CGGBP1: variants seen among roughly 807,000 people sequenced by gnomAD.
CGGBP1 encodes CGG triplet repeat-binding protein 1.
A neutral mutation model predicts 11.4 loss-of-function variants in CGGBP1; 4 were observed. The ratio of observed to expected loss-of-function variants is 0.35; its 90% CI spans 0.17 to 0.80. CGGBP1 has a LOEUF of 0.80. CGGBP1 is among the 30% of genes least tolerant of loss of function. The pLI is 0.52. For synonymous variants in CGGBP1, 76 were observed against 74.1 expected, an observed-to-expected ratio of 1.03 and a Z score of -0.13; for missense variants, 135 against 202.1, an observed-to-expected ratio of 0.67 and a Z score of 2.01.
At chr3:88,136,144 G>A (rs1295525678) in intron 2 of CGGBP1, among the ~76,000 whole-genome samples, 1 of 152,086 alleles carries the variant, frequency 6.6e-6, no homozygotes, top group East Asian at 1.9e-4. Flanking sequence ...AACATTTGAT[G>A]TGCATCAGAA....
intron 2 of CGGBP1, among the ~76,000 whole-genome samples, chr3:88,071,198 T>C (rs1037443136): frequency 9.2e-5 from 14 of 152,240 alleles, no homozygotes; most frequent in Non-Finnish European, 1.5e-5. Flanking sequence ...TAAGAAATTA[T>C]TATCTCGTTT....
chr3:88,084,776 G>T (rs556457188), intron 2 of CGGBP1, among the ~76,000 whole-genome samples: 1 of 152,270 alleles, frequency 6.6e-6, no homozygotes, highest in Admixed American at 6.5e-5. Flanking sequence ...AGCAAGCAGC[G>T]TGAGTTTCGT....
intron 2 of CGGBP1, among the ~76,000 whole-genome samples, chr3:88,112,803 A>G (rs535143458): frequency 2.6e-5 from 4 of 152,002 alleles, no homozygotes; most frequent in Admixed American, 1.3e-4. Context: ...ATCCTTGTGT[A>G]TATAGCTATC....
At chr3:88,116,121 G>C (rs1395560364) in intron 2 of CGGBP1, among the ~76,000 whole-genome samples, 4 of 152,082 alleles carry the variant, frequency 2.6e-5, no homozygotes, top group Non-Finnish European at 5.9e-5. Context: ...TAGGGATTTG[G>C]GGTGTGGTCA....
chr3:88,095,823 C>A, intron 2 of CGGBP1: 2 of 452,642 alleles, frequency 4.4e-6, no homozygotes, highest in South Asian at 3.4e-5. Flanking sequence ...CTCAGATTCC[C>A]AAGTATTGTG....
upstream of CGGBP1, chr3:88,059,359 G>A (rs546100650): frequency 4.4e-5 from 67 of 1,535,064 alleles, no homozygotes; most frequent in Non-Finnish European, 5.8e-5. Flanking sequence ...CGAACGCCTC[G>A]GAGAAGAGCT....
upstream of CGGBP1, among the ~76,000 whole-genome samples, chr3:88,063,911 G>T (rs189876854): frequency 6.6e-6 from 1 of 152,188 alleles, no homozygotes; most frequent in Non-Finnish European, 1.5e-5. Context: ...GGCAGGAGCT[G>T]GTTGTCTCTG....
rs199952664 is a variant in CGGBP1 at position 88,120,324 on chromosome 3, A to G, written c.-229+20646T>C. Among the ~76,000 whole-genome samples, 17 of 152,324 alleles carry G rather than the reference A, an allele frequency of 1.1e-4. No homozygotes were observed. In the East Asian group the frequency reaches 2.9e-3, roughly 26 times the overall value. On this transcript the variant is annotated intron_variant, in intron 2 of 3. Coordinates refer to the CGGBP1 transcript ENST00000462901. ...TATGCTTATATGTTTACAGTAATGT[A>G]TATGGCAAAAGAACAGGTTTAAATG...
rs570670945 is a variant in CGGBP1, at chr3:88,055,292, A to G, written c.*181T>C. 1.3e-4 allele frequency: 67 copies of G among 509,068 alleles called. No homozygotes were observed. In the East Asian group the frequency reaches 2.1e-3, roughly 16 times the overall value. The allele number at this position is 509,068 out of a possible 1,614,324, so 31.5% of individuals were successfully genotyped here. A position where few individuals can be genotyped will look rare whatever the true frequency, so the allele number is the denominator to read the frequency against. ...GTTTTGCTTTATACCATTGGTGACT[A>G]AAATTAACAATAAGTTTTGCAGTGA... On this transcript the variant is annotated 3_prime_UTR_variant, in exon 4 of 4. Coordinates refer to ENST00000482016, the MANE Select transcript of CGGBP1 (RefSeq NM_001008390.2). This position sits in a 1 kb window ranked among gnomAD's most constrained non-coding sequence, Gnocchi z 4.2.
chr3:88,075,028 A>G (rs1376726591), intron 2 of CGGBP1, among the ~76,000 whole-genome samples: 1 of 152,220 alleles, frequency 6.6e-6, no homozygotes, highest in Non-Finnish European at 1.5e-5. Flanking sequence ...TGAAAGTAGT[A>G]TCCTAATTTC....
rs565526770 is a variant in CGGBP1 at position 88,148,093 on chromosome 3, T to C, written c.-338+1618A>G. Among the ~76,000 whole-genome samples the C allele has an allele frequency of 2.0e-5, 3 of 152,328 alleles. No individual in the cohort carries two copies. In the East Asian group the frequency reaches 5.8e-4, roughly 29 times the overall value. On this transcript the variant is annotated intron_variant, in intron 1 of 3. Coordinates refer to the CGGBP1 transcript ENST00000462901. ...TTGCTTCTTCCTACCATGCTTCTCC[T>C]GCGGCTCACTCACTTTCTTCTGATC...
intron 2 of CGGBP1, among the ~76,000 whole-genome samples, chr3:88,107,251 T>C (rs1422169179): frequency 3.9e-5 from 6 of 152,308 alleles, no homozygotes; most frequent in Admixed American, 3.9e-4. Flanking sequence ...GCTCATGTTA[T>C]TGATGTCATG....
rs553826167 is a variant in CGGBP1, at chr3:88,122,988, C to T, written c.-229+17982G>A. On this transcript the variant is annotated intron_variant, in intron 2 of 3. Transcript: ENST00000462901. ...TTGCACCATTGCACTCCTGCCTGGG[C>T]GACAGAGTGAGGCTCTGAGTCTCAA... Among the ~76,000 whole-genome samples, 20 of 137,666 alleles carry T rather than the reference C, an allele frequency of 1.5e-4. No homozygotes were observed. In the South Asian group the frequency reaches 1.6e-3, roughly 11 times the overall value. 90.3% of individuals were successfully genotyped at this position (137,666 alleles called of 152,430 possible). A position where few individuals can be genotyped will look rare whatever the true frequency, so the allele number is the denominator to read the frequency against.
chr3:88,122,876 G>A (rs1705856143), intron 2 of CGGBP1, among the ~76,000 whole-genome samples: 1 of 151,812 alleles, frequency 6.6e-6, no homozygotes, highest in East Asian at 1.9e-4. Context: ...TAGGCATGGT[G>A]GTGGGCGCCT....
intron 2 of CGGBP1, among the ~76,000 whole-genome samples, chr3:88,135,667 G>T (rs143060217): frequency 6.6e-6 from 1 of 152,190 alleles, no homozygotes; most frequent in Non-Finnish European, 1.5e-5. Flanking sequence ...TGAAGTAATT[G>T]TAAAAATGTG....
intron 2 of CGGBP1, among the ~76,000 whole-genome samples, chr3:88,077,017 G>C (rs1707841244): frequency 6.6e-6 from 1 of 152,164 alleles, no homozygotes; most frequent in African/African-American, 2.4e-5. Context: ...CTTCCCTGGA[G>C]TAAAAGAATT....
At chr3:88,116,235 T>C (rs986717123) in intron 2 of CGGBP1, among the ~76,000 whole-genome samples, 5 of 151,882 alleles carry the variant, frequency 3.3e-5, no homozygotes, top group Admixed American at 6.6e-5. Context: ...AAATAAGATA[T>C]ATGGGCCAGG....
intron 2 of CGGBP1, among the ~76,000 whole-genome samples, chr3:88,069,733 A>G (rs1484127601): frequency 1.3e-5 from 2 of 152,214 alleles, no homozygotes; most frequent in African/African-American, 2.4e-5. Context: ...GGACTTCAGT[A>G]TCTCGTGTAA....
At chr3:88,064,810 G>A (rs1371859041) in intron 2 of CGGBP1, among the ~76,000 whole-genome samples, 1 of 152,184 alleles carries the variant, frequency 6.6e-6, no homozygotes, top group Non-Finnish European at 1.5e-5. Context: ...AGACGTAAAT[G>A]TGGTTCAATC....
Sources: allele counts gnomAD v4.1 joint callset (sites outside exome capture counted in the v4.1 genomes callset), GRCh38; gene constraint gnomAD v4.1.1; non-coding constraint Gnocchi (gnomAD v3.1); transcripts MANE v1.5; gene names NCBI Gene and HGNC (gene_info 2026-07-23, HGNC 2026-07-21).